Variants in NUP62 observed in about 807,000 individuals in gnomAD.
The protein encoded by NUP62 is nuclear pore glycoprotein p62.
For synonymous variants in NUP62, 305 were observed against 303.4 expected (o/e 1.01, Z -0.05); for missense variants, 647 against 689.4 (o/e 0.94, Z 0.69).
At chr19:49,927,025 A>T (rs1027347104) in intron 2 of NUP62, among the ~76,000 whole-genome samples, 2 of 151,786 alleles carry the variant, frequency 1.3e-5, no homozygotes, top group Non-Finnish European at 2.9e-5. Flanking sequence ...ACACCCGACT[A>T]TTTTTTTGTA....
At chr19:49,915,489 C>T (rs1272755709) in intron 2 of NUP62, among the ~76,000 whole-genome samples, 1 of 152,226 alleles carries the variant, frequency 6.6e-6, no homozygotes, top group Non-Finnish European at 1.5e-5. Flanking sequence ...AGGAACTACA[C>T]ACCATGCACC....
intron 2 of NUP62, among the ~76,000 whole-genome samples, chr19:49,919,591 C>A (rs1459818037): frequency 1.3e-5 from 2 of 152,166 alleles, no homozygotes; most frequent in East Asian, 3.9e-4. Context: ...ACCTTCTCTC[C>A]TGCTTTCCCC....
At position 49,909,259 on chromosome 19, in the gene NUP62, C is replaced by A; in HGVS notation, c.549G>T (p.Thr183=). Residue 183 remains threonine (T), a synonymous_variant, in exon 3 of 3, where the codon ACG becomes ACT. Coordinates refer to ENST00000352066, the MANE Select transcript of NUP62 (RefSeq NM_016553.5). ...GAGTGAAGGGCAACGTGGCAGGTGC[C>A]GTGGGCTGGGCTGAATTCCCTGCTG... is the stretch of plus-strand genomic sequence containing the variant. ...IGSAGNSAQP[T]APATLPFTPA... is the part of the protein sequence containing the mutation. 1.2e-6 allele frequency: 2 copies of A among 1,613,956 alleles called. No individual in the cohort carries two copies. The highest frequency in any genetic ancestry group is 1.7e-6 in the Non-Finnish European group (2 of 1,179,984).
chr19:49,927,604 A>C (rs1271716396), intron 2 of NUP62, 90 bp downstream of exon 2: 1 of 152,206 alleles, frequency 6.6e-6, no homozygotes, highest in African/African-American at 2.4e-5. Flanking sequence ...GGCAGAGTGG[A>C]CAGTAAGTGC....
intron 2 of NUP62, among the ~76,000 whole-genome samples, chr19:49,926,208 CAAAAAAA>C (rs33981121): frequency 0.016 from 685 of 42,506 alleles, 7 homozygotes; most frequent in African/African-American, 0.067. Flanking sequence ...GACTCTGTCT[CAAAAAAA>C]AAAAAAAAAA....
At chr19:49,922,724 C>A (rs1218713313) in intron 2 of NUP62, among the ~76,000 whole-genome samples, 2 of 151,424 alleles carry the variant, frequency 1.3e-5, no homozygotes, top group East Asian at 1.9e-4. Context: ...AAAAAAAAAA[C>A]TGGATTTCCA....
chr19:49,908,509 G>A lies in NUP62; in HGVS notation c.1299C>T (p.Thr433=). ...LQHADEEREK[T]YKLAENIDAQ... is the part of the protein sequence containing the mutation. ...CATCGATGTTCTCAGCCAGCTTGTA[G>A]GTTTTCTCACGCTCCTCATCCGCGT... The change falls in exon 3 of 3, where the codon ACC becomes ACT. Residue 433 remains threonine (T), a synonymous_variant. Coordinates refer to ENST00000352066, the MANE Select transcript of NUP62 (RefSeq NM_016553.5). 6.2e-7 allele frequency: 1 copy of A among 1,614,150 alleles called. No homozygotes were observed. Among genetic ancestry groups the A allele is most frequent in the African/African-American group, 1.3e-5 (1 of 75,062 alleles).
In NUP62 at chr19:49,921,182, C is replaced by T. The variant is rs1036953454; in HGVS notation, c.-78+6512G>A. 6.6e-6 allele frequency among the ~76,000 whole-genome samples: 1 copy of T among 152,096 alleles called. No individual in the cohort carries two copies. The highest frequency in any genetic ancestry group is 1.5e-5 in the Non-Finnish European group (1 of 68,030). The stretch of plus-strand genomic sequence containing the variant: ...ACTTTCCCCCAGCAATGTGACGAAG[C>T]GAAACTATCATGGCTCCCATTTATA... On this transcript the variant is annotated intron_variant, in intron 2 of 2. Transcript: ENST00000352066. This position sits in a 1 kb window ranked among gnomAD's most constrained non-coding sequence, Gnocchi z 5.4.
rs1006231218 is a variant in NUP62, at chr19:49,908,886, C to T, written c.922G>A (p.Ala308Thr). Residue 308 changes from alanine to threonine, a missense_variant, in exon 3 of 3, where the codon GCT becomes ACT. Physicochemically the swap from Ala to Thr is moderately conservative, Grantham distance 58 (BLOSUM62 0). Transcript: ENST00000352066. ...GGGCCAGGTGGAGCGGTCACGGCAG[C>T]TGCTGTATTGCTGGGGATCCCGGCT... ...APAGIPSNTA[A>T]AVTAPPGPGA... The T allele has an allele frequency of 6.2e-7, 1 of 1,610,024 alleles. No individual in the cohort carries two copies. Among genetic ancestry groups the T allele is most frequent in the Non-Finnish European group, 8.5e-7 (1 of 1,179,280 alleles).
At position 49,909,236 on chromosome 19, in the gene NUP62, G is replaced by C. The variant is rs1385258440; in HGVS notation, c.572C>G (p.Thr191Ser). 1.2e-6 allele frequency: 2 copies of C among 1,614,176 alleles called. No homozygotes were observed. Among genetic ancestry groups the C allele is most frequent in the Middle Eastern group, 1.6e-4 (1 of 6,062 alleles). The change falls in exon 3 of 3, where the codon ACT (threonine) becomes AGT (serine). Residue 191 changes from threonine to serine, a missense_variant. Coordinates refer to ENST00000352066, the MANE Select transcript of NUP62 (RefSeq NM_016553.5). ...TGTGGTGGCTGCTGGCGTGGCCGGA[G>C]TGAAGGGCAACGTGGCAGGTGCCGT... ...QPTAPATLPFTPATPAATTAG... is the reference protein window; with the variant it reads ...QPTAPATLPFSPATPAATTAG...
chr19:49,915,420 A>C (rs971531005), intron 2 of NUP62, among the ~76,000 whole-genome samples: 7 of 152,206 alleles, frequency 4.6e-5, no homozygotes, highest in African/African-American at 1.7e-4. Context: ...CAAGGAACAC[A>C]GGCGGCTTCG....
At position 49,908,267 on chromosome 19, in the gene NUP62, T is replaced by C. The variant is rs1341884927; in HGVS notation, c.1541A>G (p.Glu514Gly). ...GTCAAAGGTGATCCGGAAGCTGCGCTCCTGCTCCTTGCGCCGGCCCTCGCA... is the reference window on the plus strand; with the variant it reads ...GTCAAAGGTGATCCGGAAGCTGCGCCCCTGCTCCTTGCGCCGGCCCTCGCA... Reference protein sequence around the residue: ...KVCEGRRKEQERSFRITFD With the variant: ...KVCEGRRKEQGRSFRITFD Residue 514 changes from glutamate to glycine, a missense_variant, in exon 3 of 3, where the codon GAG becomes GGG. Physicochemically the swap from Glu to Gly is moderately conservative, Grantham distance 98. Coordinates refer to ENST00000352066, the MANE Select transcript of NUP62 (RefSeq NM_016553.5). 3 of 1,613,602 alleles carry C rather than the reference T, an allele frequency of 1.9e-6. No individual in the cohort carries two copies. In the African/African-American group the frequency reaches 4.0e-5, roughly 22 times the overall value.
At chr19:49,926,970 C>T (rs1177007788) in intron 2 of NUP62, among the ~76,000 whole-genome samples, 1 of 151,810 alleles carries the variant, frequency 6.6e-6, no homozygotes, top group Non-Finnish European at 1.5e-5. Context: ...AGTGATCCTC[C>T]TGCCTTAGCC....
rs1207785500 is a variant in NUP62 at position 49,908,874 on chromosome 19, C to T, written c.934G>A (p.Ala312Thr). ...IPSNTAAAVT[A>T]PPGPGAAAGA... is the part of the protein sequence containing the mutation. ...GCAGCTGCGCCAGGGCCAGGTGGAG[C>T]GGTCACGGCAGCTGCTGTATTGCTG... Residue 312 changes from alanine to threonine, a missense_variant, in exon 3 of 3, where the codon GCT (alanine) becomes ACT (threonine). Ala to Thr is a moderately conservative substitution (Grantham distance 58). Transcript: ENST00000352066. The T allele has an allele frequency of 6.8e-6, 11 of 1,610,542 alleles. No individual in the cohort carries two copies. Among genetic ancestry groups the T allele is most frequent in the South Asian group, 4.4e-5 (4 of 91,052 alleles).
At chr19:49,925,511 G>C (rs2075866682) in intron 2 of NUP62, among the ~76,000 whole-genome samples, 1 of 151,034 alleles carries the variant, frequency 6.6e-6, no homozygotes, top group Admixed American at 6.6e-5. Flanking sequence ...ATCCCAGTCT[G>C]AGACAAAACC....
At chr19:49,929,048 G>C (rs1409590432) in intron 1 of NUP62, 2 of 152,264 alleles carry the variant, frequency 1.3e-5, no homozygotes, top group Admixed American at 6.5e-5. Context: ...CCGGACCCTA[G>C]GAGTGGGAAG....
chr19:49,916,777 C>A (rs866296501), intron 2 of NUP62, among the ~76,000 whole-genome samples: 90 of 152,072 alleles, frequency 5.9e-4, no homozygotes, highest in African/African-American at 2.0e-3. Flanking sequence ...AACAAAAAAA[C>A]AAAAATTAGC....
At position 49,908,803 on chromosome 19, in the gene NUP62, G is replaced by C; in HGVS notation, c.1005C>G (p.Ser335Arg). The change falls in exon 3 of 3, where the codon AGC (serine) becomes AGG (arginine). Residue 335 changes from serine to arginine, a missense_variant. Physicochemically the swap from Ser to Arg is moderately radical, Grantham distance 110 (BLOSUM62 -1). Coordinates refer to ENST00000352066, the MANE Select transcript of NUP62 (RefSeq NM_016553.5). ...GCTCCAGGCTCCATTTGTTGATCAG[G>C]CTCTCCAGCTGCGCGTAGGTCATGG... ...SSAMTYAQLE[S>R]LINKWSLELE... 2.5e-6 allele frequency: 4 copies of C among 1,613,588 alleles called. No homozygotes were observed. The highest frequency in any genetic ancestry group is 3.4e-6 in the Non-Finnish European group (4 of 1,180,044).
Position 49,907,156 on chromosome 19 carries a change from C to A in NUP62, c.*1083G>T. ...CAGTGGGTCTCTGCCCATGGGAACT[C>A]ACAATCTAACAGCGAGACGAGGCAC... On this transcript the variant is annotated 3_prime_UTR_variant, in exon 3 of 3. Transcript: ENST00000352066. 5.9e-6 allele frequency: 1 copy of A among 168,604 alleles called. No individual in the cohort carries two copies. 10.4% of individuals were successfully genotyped at this position (168,604 alleles called of 1,614,324 possible).
Sources: gnomAD v4.1 joint callset for allele counts (sites outside exome capture counted in the v4.1 genomes callset) on GRCh38, gnomAD v4.1.1 for gene constraint, Gnocchi (gnomAD v3.1) non-coding constraint, MANE v1.5 for transcripts, NCBI Gene and HGNC (gene_info 2026-07-23, HGNC 2026-07-21) for gene names.